Variants in SVEP1 observed in about 807,000 individuals in gnomAD.
SVEP1 encodes sushi, von Willebrand factor type A, EGF and pentraxin domain-containing protein 1.
In SVEP1, 164 loss-of-function variants were observed where a neutral mutation model predicts 367.3. That is an observed-to-expected ratio of 0.45 (90% CI 0.39 to 0.51). SVEP1 has a LOEUF of 0.51. Among genes scored for constraint, SVEP1 ranks in the 20% least tolerant of loss-of-function variants. The pLI is 0.00. For synonymous variants in SVEP1, 1,666 were observed against 1,611.6 expected, an observed-to-expected ratio of 1.03 and a Z score of -0.81; for missense variants, 4,117 against 4,425.3, an observed-to-expected ratio of 0.93 and a Z score of 1.98.
intron 12 of SVEP1, 59 bp from the exon 13 acceptor site, chr9:110,479,815 A>G: frequency 6.4e-7 from 1 of 1,565,712 alleles, no homozygotes; most frequent in Non-Finnish European, 8.6e-7. Flanking sequence ...CAAAGATTTG[A>G]CTTTCTATGA....
At chr9:110,397,572 C>T (rs1403911088) in intron 40 of SVEP1, among the ~76,000 whole-genome samples, 2 of 152,182 alleles carry the variant, frequency 1.3e-5, no homozygotes, top group African/African-American at 4.8e-5. Context: ...TTGCAGATGA[C>T]ATGATTGTAT....
chr9:110,389,592 G>A lies in SVEP1; in HGVS notation c.9823-5C>T. ...GCAGACACGTTCCCTGTTCCCCTGT[G>A]AAACAATGGAGAAAGGTCATCAAGA... On this transcript the variant is annotated splice_region_variant and splice_polypyrimidine_tract_variant and intron_variant, in intron 40 of 47. Transcript: ENST00000374469. The A allele has an allele frequency of 1.2e-6, 2 of 1,613,340 alleles. No homozygotes were observed. The highest frequency in any genetic ancestry group is 8.5e-7 in the Non-Finnish European group (1 of 1,179,666).
chr9:110,535,689 A>G (rs893644255), intron 3 of SVEP1, among the ~76,000 whole-genome samples: 2 of 152,060 alleles, frequency 1.3e-5, no homozygotes, highest in Non-Finnish European at 2.9e-5. Context: ...TTCTTTGAGC[A>G]GTGTGTTGTC....
In SVEP1 at chr9:110,472,291, C is replaced by T. The variant is rs766644051; in HGVS notation, c.2632G>A (p.Asp878Asn). 1.9e-5 allele frequency: 30 copies of T among 1,607,072 alleles called. No individual in the cohort carries two copies. ...TCCAGGAAGTCATCGTAAGAGTAAT[C>T]CAGCCTATTAGCTGCACCCCAGCCA... ...PGGWGAANRL[D>N]YSYDDFLDTV... is the part of the protein sequence containing the mutation. Residue 878 changes from aspartate (D) to asparagine (N), a missense_variant, in exon 15 of 48, where the codon GAT becomes AAT. By Grantham distance (23) the Asp-to-Asn change is conservative. This residue lies in a region of SVEP1 where 2,174 missense variants were observed against 2,494.3 expected (regional missense o/e 0.87). Coordinates refer to ENST00000374469, the MANE Select transcript of SVEP1 (RefSeq NM_153366.4).
At chr9:110,532,692 C>G (rs557413080) in intron 3 of SVEP1, among the ~76,000 whole-genome samples, 1 of 152,130 alleles carries the variant, frequency 6.6e-6, no homozygotes, top group South Asian at 2.1e-4. Flanking sequence ...TAATATGGAA[C>G]AGGGTTTCTT....
rs541987419 is a variant in SVEP1 at position 110,423,179 on chromosome 9, A to G, written c.5975+4412T>C. On this transcript the variant is annotated intron_variant, in intron 36 of 47. Transcript: ENST00000374469. ...ATAAAAAAATAAAGTAAAAAAAAAA[A>G]AAAAGAAAAAAAAAAGAAAAATTGT... Among the ~76,000 whole-genome samples the G allele has an allele frequency of 1.0e-3, 142 of 140,374 alleles. 2 individuals carry two copies. The highest frequency in any genetic ancestry group is 9.3e-3 in the South Asian group (44 of 4,728). The allele number at this position is 140,374 out of a possible 152,430, so 92.1% of individuals were successfully genotyped here. A position where few individuals can be genotyped will look rare whatever the true frequency, so the allele number is the denominator to read the frequency against.
At position 110,407,951 on chromosome 9, in the gene SVEP1, G is replaced by C. The variant is rs760398508; in HGVS notation, c.7649C>G (p.Ser2550Cys). Reference sequence around the variant, plus strand: ...GGAATCACAGTGGATGGCATTGCAAGATGGGGCATCTACATCCCAATCACC... The same window carrying C: ...GGAATCACAGTGGATGGCATTGCAACATGGGGCATCTACATCCCAATCACC... ...ETGDWDVDAP[S>C]CNAIHCDSPQ... Residue 2550 changes from serine (S) to cysteine (C), a missense_variant, in exon 38 of 48, where the codon TCT (serine) becomes TGT (cysteine). Ser to Cys is a moderately radical substitution (Grantham distance 112). Around this residue, in one of 4 missense-constraint regions of SVEP1, gnomAD observed 1,765 missense variants for 1,781.1 expected, o/e 0.99. Coordinates refer to ENST00000374469, the MANE Select transcript of SVEP1 (RefSeq NM_153366.4). 3.1e-6 allele frequency: 5 copies of C among 1,613,890 alleles called. No individual in the cohort carries two copies. The highest frequency in any genetic ancestry group is 4.2e-6 in the Non-Finnish European group (5 of 1,179,902).
At chr9:110,435,635 G>A (rs1425789718) in intron 28 of SVEP1, among the ~76,000 whole-genome samples, 1 of 152,142 alleles carries the variant, frequency 6.6e-6, no homozygotes, top group Non-Finnish European at 1.5e-5. Context: ...GTAAAGCCAT[G>A]TGGTTTGTTA....
chr9:110,422,606 C>A (rs1165227916), intron 36 of SVEP1, among the ~76,000 whole-genome samples: 23 of 81,510 alleles, frequency 2.8e-4, no homozygotes, highest in South Asian at 5.4e-4. Flanking sequence ...TTGACCCAGC[C>A]ATCCCATTAC....
At chr9:110,558,124 A>G (rs534751416) in intron 1 of SVEP1, among the ~76,000 whole-genome samples, 1 of 152,258 alleles carries the variant, frequency 6.6e-6, no homozygotes, top group South Asian at 2.1e-4. Context: ...CATCTAGAGA[A>G]GGCCTATGAA....
At chr9:110,537,734 A>C (rs1416640874) in intron 3 of SVEP1, among the ~76,000 whole-genome samples, 2 of 151,932 alleles carry the variant, frequency 1.3e-5, no homozygotes, top group Non-Finnish European at 2.9e-5. Context: ...TGATACAATA[A>C]TTTTATTTTA....
At chr9:110,554,216 T>G (rs907093593) in intron 1 of SVEP1, among the ~76,000 whole-genome samples, 2 of 152,190 alleles carry the variant, frequency 1.3e-5, no homozygotes, top group Non-Finnish European at 2.9e-5. Context: ...CACCTTTTTT[T>G]CTCTCTATTA....
At chr9:110,508,238 T>A (rs1829653728) in intron 5 of SVEP1, among the ~76,000 whole-genome samples, 1 of 152,226 alleles carries the variant, frequency 6.6e-6, no homozygotes. Context: ...AAAAGTCTAC[T>A]TGTAGTAGAC....
chr9:110,415,951 T>A (rs993091246), intron 36 of SVEP1, among the ~76,000 whole-genome samples: 2 of 151,972 alleles, frequency 1.3e-5, no homozygotes, highest in African/African-American at 2.4e-5. Context: ...GGATTGGAGT[T>A]TAGAATTTAC....
intron 3 of SVEP1, among the ~76,000 whole-genome samples, chr9:110,519,224 G>A (rs1304817267): frequency 7.2e-5 from 11 of 152,196 alleles, no homozygotes; most frequent in Admixed American, 7.2e-4. Context: ...AAGCAACAAT[G>A]CCTGGCATGT....
chr9:110,481,418 G>T lies in SVEP1; in HGVS notation c.2189C>A (p.Pro730Gln). The part of the protein sequence containing the change: ...IVIKGSPCEI[P>Q]FTPVNGDFIC... ...AAAATCCCCATTTACAGGTGTGAAT[G>T]GAATTTCACAGGGAGAACCTGTGTA... Residue 730 changes from proline to glutamine, a missense_variant, in exon 12 of 48, where the codon CCA becomes CAA. Physicochemically the swap from Pro to Gln is moderately conservative, Grantham distance 76 (BLOSUM62 -1). Around this residue, in one of 4 missense-constraint regions of SVEP1, gnomAD observed 2,174 missense variants for 2,494.3 expected, o/e 0.87. Coordinates refer to ENST00000374469, the MANE Select transcript of SVEP1 (RefSeq NM_153366.4). The T allele has an allele frequency of 6.3e-7, 1 of 1,586,196 alleles. No individual in the cohort carries two copies. The highest frequency in any genetic ancestry group is 1.2e-5 in the South Asian group (1 of 85,830).
chr9:110,550,824 T>C (rs886112595), intron 1 of SVEP1, among the ~76,000 whole-genome samples: 2 of 152,234 alleles, frequency 1.3e-5, no homozygotes, highest in Non-Finnish European at 2.9e-5. Context: ...CAATGATATA[T>C]GCTCTTCCTT....
intron 3 of SVEP1, among the ~76,000 whole-genome samples, chr9:110,539,811 CTTAA>C (rs1360072144): frequency 3.9e-5 from 6 of 151,990 alleles, no homozygotes; most frequent in Non-Finnish European, 4.4e-5. Flanking sequence ...AAATTATATT[CTTAA>C]TTGTGAGTCT....
In SVEP1 at chr9:110,430,453, A is replaced by G; in HGVS notation, c.5354-3T>C. The G allele has an allele frequency of 6.2e-7, 1 of 1,605,080 alleles. No homozygotes were observed. Among genetic ancestry groups the G allele is most frequent in the Non-Finnish European group, 8.5e-7 (1 of 1,175,122 alleles). ...TGGAGCCTTACATTTTATAGGTTCTAGAAACAGACAGTTTTGGTGGAATAA... is the reference window on the plus strand; with the variant it reads ...TGGAGCCTTACATTTTATAGGTTCTGGAAACAGACAGTTTTGGTGGAATAA... On this transcript the variant is annotated splice_polypyrimidine_tract_variant and splice_region_variant and intron_variant, in intron 32 of 47. Transcript: ENST00000374469.
Sources: gnomAD v4.1 joint callset for allele counts (sites outside exome capture counted in the v4.1 genomes callset) on GRCh38, gnomAD v4.1.1 for gene constraint, gnomAD v4.1.1 regional missense constraint, MANE v1.5 for transcripts, NCBI Gene and HGNC (gene_info 2026-07-23, HGNC 2026-07-21) for gene names.